FER: variants seen among roughly 807,000 people sequenced by gnomAD.
FER encodes the protein tyrosine-protein kinase Fer.
Under a neutral mutation model 111.0 loss-of-function variants are expected in FER, and 63 were observed. The ratio of observed to expected loss-of-function variants is 0.57; its 90% CI spans 0.46 to 0.70. The LOEUF (loss-of-function observed/expected upper bound fraction) is 0.70, where lower values mean the gene tolerates loss of function less well. FER is among the 30% of genes least tolerant of loss of function. The pLI is 0.00. For synonymous variants in FER, 327 were observed against 313.9 expected (o/e 1.04, Z -0.44); for missense variants, 914 against 954.0 (o/e 0.96, Z 0.55).
At chr5:109,036,172 TC>T (rs761041191) in intron 13 of FER, among the ~76,000 whole-genome samples, 5 of 152,198 alleles carry the variant, frequency 3.3e-5, no homozygotes, top group Non-Finnish European at 7.4e-5. Context: ...AATTTTCATT[TC>T]TTTTTTATAG....
At chr5:109,162,966 A>G (rs1426616677) in intron 17 of FER, among the ~76,000 whole-genome samples, 1 of 152,048 alleles carries the variant, frequency 6.6e-6, no homozygotes. Flanking sequence ...CACTTCCATC[A>G]TCCCCAAAAG....
chr5:109,175,343 C>G (rs1350495482), intron 17 of FER, among the ~76,000 whole-genome samples: 1 of 152,062 alleles, frequency 6.6e-6, no homozygotes, highest in Non-Finnish European at 1.5e-5. Flanking sequence ...CAATTATTAT[C>G]CCCATTTCAC....
intron 10 of FER, among the ~76,000 whole-genome samples, chr5:108,910,980 C>T (rs561109137): frequency 2.0e-5 from 3 of 151,926 alleles, no homozygotes; most frequent in Admixed American, 2.0e-4. Flanking sequence ...TGATATAATA[C>T]CCAGTAGTGG....
chr5:108,927,250 C>CTTTTTTTTTTTTTTTTTTTTTTTT (rs773963733), intron 10 of FER, among the ~76,000 whole-genome samples: 4 of 95,374 alleles, frequency 4.2e-5, no homozygotes, highest in South Asian at 2.6e-4. Flanking sequence ...TGAGAAGTGG[C>CTTTTTTTTTTTTTTTTTTTTTTTT]TCTTTTTTTT....
intron 2 of FER, among the ~76,000 whole-genome samples, chr5:108,795,548 C>G (rs1038963710): frequency 6.6e-6 from 1 of 151,398 alleles, no homozygotes; most frequent in African/African-American, 2.4e-5. Flanking sequence ...CTCTTTTATT[C>G]TTTTTTTTAA....
chr5:109,000,428 A>G (rs1764593851), intron 13 of FER, among the ~76,000 whole-genome samples: 1 of 152,160 alleles, frequency 6.6e-6, no homozygotes, highest in Non-Finnish European at 1.5e-5. Flanking sequence ...AAAAATATTT[A>G]TCGCTAAAGA....
chr5:108,805,743 G>A (rs573081410), intron 3 of FER, among the ~76,000 whole-genome samples: 1 of 152,144 alleles, frequency 6.6e-6, no homozygotes, highest in Non-Finnish European at 1.5e-5. Context: ...ACTTGAGAGA[G>A]ATGATTTAGG....
chr5:109,117,616 G>A (rs537791921), intron 17 of FER, among the ~76,000 whole-genome samples: 16 of 152,014 alleles, frequency 1.1e-4, no homozygotes, highest in Middle Eastern at 6.8e-3. Flanking sequence ...CCATTTTCAC[G>A]ATATTGATTC....
intron 3 of FER, among the ~76,000 whole-genome samples, chr5:108,829,323 A>G (rs1165532418): frequency 6.6e-6 from 1 of 152,082 alleles, no homozygotes; most frequent in Non-Finnish European, 1.5e-5. Flanking sequence ...ACATTATAAT[A>G]TTACCTAATT....
At chr5:109,064,477 A>G (rs1453898730) in intron 16 of FER, among the ~76,000 whole-genome samples, 2 of 152,176 alleles carry the variant, frequency 1.3e-5, no homozygotes, top group African/African-American at 2.4e-5. Flanking sequence ...ATCTATAACT[A>G]TTACTCTGTC....
rs959980271 is a variant in FER at position 108,988,569 on chromosome 5, C to G, written c.1656+29222C>G. Among the ~76,000 whole-genome samples, 26 of 152,100 alleles carry G rather than the reference C, an allele frequency of 1.7e-4. No individual in the cohort carries two copies. The South Asian group carries it at 5.4e-3, about 32-fold the overall frequency. On this transcript the variant is annotated intron_variant, in intron 13 of 19. Coordinates refer to ENST00000281092, the MANE Select transcript of FER (RefSeq NM_005246.4). ...TTCTCTAGGTTTTCTAATTTAGGTACGTAAAGGTGTTCATAGTAGCCTTCA... is the reference window on the plus strand; with the variant it reads ...TTCTCTAGGTTTTCTAATTTAGGTAGGTAAAGGTGTTCATAGTAGCCTTCA...
intron 5 of FER, among the ~76,000 whole-genome samples, chr5:108,862,238 C>T (rs189656873): frequency 9.1e-4 from 139 of 152,144 alleles, no homozygotes; most frequent in Non-Finnish European, 8.2e-4. Flanking sequence ...TAAATTTTGG[C>T]TCTAATGACT....
At chr5:109,051,934 A>T (rs1334202749) in intron 16 of FER, 5 of 1,582,910 alleles carry the variant, frequency 3.2e-6, no homozygotes, top group Admixed American at 1.7e-5. Flanking sequence ...GAATCCATAG[A>T]TGTACCACTG....
intron 10 of FER, among the ~76,000 whole-genome samples, chr5:108,938,102 C>G (rs1234717599): frequency 6.7e-6 from 1 of 148,786 alleles, no homozygotes; most frequent in Non-Finnish European, 1.5e-5. Context: ...GGGAAAGAAC[C>G]ATTTGAGAAG....
At chr5:108,814,712 T>C (rs919532493) in intron 3 of FER, among the ~76,000 whole-genome samples, 2 of 152,178 alleles carry the variant, frequency 1.3e-5, no homozygotes, top group Admixed American at 1.3e-4. Context: ...TACCTAACTT[T>C]CTGGGCATGC....
chr5:108,880,922 T>C (rs909833165), intron 8 of FER, among the ~76,000 whole-genome samples: 13 of 152,178 alleles, frequency 8.5e-5, no homozygotes, highest in African/African-American at 1.7e-4. Context: ...CTTCTGAATA[T>C]GTATAATAGT....
chr5:108,978,791 T>G (rs967161304), intron 13 of FER, among the ~76,000 whole-genome samples: 2 of 152,172 alleles, frequency 1.3e-5, no homozygotes, highest in Admixed American at 1.3e-4. Flanking sequence ...TTATAATTAA[T>G]AAGTCAGAGA....
chr5:108,777,340 A>G (rs1478923918), intron 2 of FER, among the ~76,000 whole-genome samples: 3 of 152,222 alleles, frequency 2.0e-5, no homozygotes, highest in African/African-American at 7.2e-5. Flanking sequence ...GATTTCCCAC[A>G]TACTTCCACC....
intron 16 of FER, among the ~76,000 whole-genome samples, chr5:109,084,963 C>T (rs985485054): frequency 2.6e-5 from 4 of 151,700 alleles, no homozygotes; most frequent in African/African-American, 4.8e-5. Context: ...AACCAAAAAC[C>T]GTACTTTCTT....
Sources: gnomAD v4.1 joint callset for allele counts (sites outside exome capture counted in the v4.1 genomes callset) on GRCh38, gnomAD v4.1.1 for gene constraint, MANE v1.5 for transcripts, NCBI Gene and HGNC (gene_info 2026-07-23, HGNC 2026-07-21) for gene names.